Variants in RHOF observed in about 807,000 individuals in gnomAD.
RHOF encodes rho-related GTP-binding protein RhoF.
In RHOF, 21 loss-of-function variants were observed where a neutral mutation model predicts 22.2. The observed-to-expected ratio is 0.95, with a 90% CI of 0.67 to 1.36. The LOEUF is 1.36. RHOF is among the 40% of genes most tolerant of loss of function. RHOF has a pLI of 0.00. For missense variants in RHOF, 285 were observed against 293.7 expected (o/e 0.97, Z 0.22); for synonymous variants, 135 against 131.2 (o/e 1.03, Z -0.20).
At chr12:121,790,021 C>T (rs959546800) in intron 2 of RHOF, among the ~76,000 whole-genome samples, 2 of 152,254 alleles carry the variant, frequency 1.3e-5, no homozygotes, top group Admixed American at 6.5e-5. Flanking sequence ...GATGTCAGGG[C>T]CCCGGTGAGG....
intron 2 of RHOF, among the ~76,000 whole-genome samples, chr12:121,792,804 G>A (rs1192008497): frequency 6.6e-6 from 1 of 152,262 alleles, no homozygotes; most frequent in Non-Finnish European, 1.5e-5. Context: ...AGCTCACAGA[G>A]TCTGCAGAGA....
intron 4 of RHOF, chr12:121,780,334 A>C (rs1317961935): frequency 6.2e-6 from 1 of 161,296 alleles, no homozygotes; most frequent in Admixed American, 6.1e-5. Context: ...CTGGGATTAC[A>C]GGCGTGAGCC....
At chr12:121,785,720 C>T (rs1874591281) in intron 2 of RHOF, among the ~76,000 whole-genome samples, 1 of 151,620 alleles carries the variant, frequency 6.6e-6, no homozygotes, top group Non-Finnish European at 1.5e-5. Context: ...AAGCGATTCT[C>T]CTGCCTCAGC....
intron 2 of RHOF, 139 bp downstream of exon 2, chr12:121,793,013 T>C: frequency 1.4e-6 from 1 of 711,284 alleles, no homozygotes. Flanking sequence ...CCAGCGCCCC[T>C]GAGCGGCCTC....
intron 2 of RHOF, 144 bp from the exon 3 acceptor site, chr12:121,781,336 T>C (rs1220578598): frequency 4.3e-6 from 3 of 690,138 alleles, no homozygotes; most frequent in Non-Finnish European, 4.9e-6. Context: ...CCAGGAGTGC[T>C]GGCACAGGCC....
At chr12:121,789,511 G>A (rs1006957755) in intron 2 of RHOF, among the ~76,000 whole-genome samples, 1 of 152,202 alleles carries the variant, frequency 6.6e-6, no homozygotes, top group Admixed American at 6.5e-5. Flanking sequence ...TCTGCAGGAG[G>A]ACACACAGGG....
intron 2 of RHOF, among the ~76,000 whole-genome samples, chr12:121,784,318 A>C (rs537555248): frequency 6.6e-6 from 1 of 151,884 alleles, no homozygotes; most frequent in East Asian, 1.9e-4. Context: ...AGGCCGAGGC[A>C]GGGGGATCAC....
intron 2 of RHOF, among the ~76,000 whole-genome samples, chr12:121,789,233 C>A (rs1874697172): frequency 9.6e-6 from 1 of 104,154 alleles, no homozygotes; most frequent in African/African-American, 3.0e-5. Flanking sequence ...CTGTCTCTAA[C>A]CATTCCCCAC....
chr12:121,781,961 G>T (rs1266226264), intron 2 of RHOF: 1 of 152,146 alleles, frequency 6.6e-6, no homozygotes, highest in African/African-American at 2.4e-5. Flanking sequence ...ATCTAGGCTT[G>T]AGCTTGGTTG....
chr12:121,785,425 T>G (rs111558982), intron 2 of RHOF, among the ~76,000 whole-genome samples: 5 of 137,534 alleles, frequency 3.6e-5, no homozygotes, highest in African/African-American at 1.3e-4. Context: ...TTCTTTACTT[T>G]TTTTTTTTTT....
intron 2 of RHOF, among the ~76,000 whole-genome samples, chr12:121,788,538 G>A (rs1430543293): frequency 6.6e-6 from 1 of 152,156 alleles, no homozygotes; most frequent in Non-Finnish European, 1.5e-5. Context: ...GCCCACTTGG[G>A]GATGGGGGAG....
At position 121,779,274 on chromosome 12, in the gene RHOF, C is replaced by A; in HGVS notation, c.*224G>T. The A allele has an allele frequency of 1.7e-6, 1 of 583,420 alleles. No individual in the cohort carries two copies. The highest frequency in any genetic ancestry group is 3.0e-6 in the Non-Finnish European group (1 of 328,424). 36.1% of individuals were successfully genotyped at this position (583,420 alleles called of 1,614,324 possible). ...TGCGAGTCCCGACAACAGACACTGG[C>A]TCCTGCACCCACATCACCACCATGT... On this transcript the variant is annotated 3_prime_UTR_variant, in exon 5 of 5. Transcript: ENST00000267205.
rs1036588367 is a variant in RHOF, at chr12:121,779,251, C to T, written c.*247G>A. ...GGGGTGGCTGTGATGAGGGCACTTG[C>T]GAGTCCCGACAACAGACACTGGCTC... On this transcript the variant is annotated 3_prime_UTR_variant, in exon 5 of 5. Coordinates refer to ENST00000267205, the MANE Select transcript of RHOF (RefSeq NM_019034.3). The T allele has an allele frequency of 3.7e-6, 2 of 546,530 alleles. No individual in the cohort carries two copies. Among genetic ancestry groups the T allele is most frequent in the South Asian group, 2.2e-5 (1 of 44,790 alleles). 33.9% of individuals were successfully genotyped at this position (546,530 alleles called of 1,614,324 possible). A position where few individuals can be genotyped will look rare whatever the true frequency, so the allele number is the denominator to read the frequency against.
In RHOF at chr12:121,786,457, G is replaced by A. The variant is rs563894274; in HGVS notation, c.227-5265C>T. Among the ~76,000 whole-genome samples the A allele has an allele frequency of 2.3e-3, 357 of 152,326 alleles. 3 individuals are homozygous for A. Among genetic ancestry groups the A allele is most frequent in the Non-Finnish European group, 7.9e-4 (54 of 68,032 alleles). ...CAGTGACATCAGGACAGGAGGTGGCGGGGCAGGCATCAGGCTGCAGTGGGT... is the reference window on the plus strand; with the variant it reads ...CAGTGACATCAGGACAGGAGGTGGCAGGGCAGGCATCAGGCTGCAGTGGGT... On this transcript the variant is annotated intron_variant, in intron 2 of 4. Transcript: ENST00000267205.
intron 2 of RHOF, chr12:121,781,818 G>A (rs1358618809): frequency 6.5e-6 from 1 of 153,170 alleles, no homozygotes; most frequent in East Asian, 1.9e-4. Context: ...TAGGAGGAGG[G>A]TGGTGGGTTG....
chr12:121,787,894 A>G (rs1200671200), intron 2 of RHOF, among the ~76,000 whole-genome samples: 5 of 57,330 alleles, frequency 8.7e-5, no homozygotes, highest in Non-Finnish European at 2.0e-4. Flanking sequence ...CTGCCTCAAA[A>G]AAAAAAAAAA....
Position 121,779,633 on chromosome 12 carries a change from A to G in RHOF, c.501T>C (p.Ala167=). 6.2e-7 allele frequency: 1 copy of G among 1,614,126 alleles called. No individual in the cohort carries two copies. Among genetic ancestry groups the G allele is most frequent in the South Asian group, 1.1e-5 (1 of 91,090 alleles). ...QGLSACEQIR[A]ALYLECSAKF... ...TGGCGGAACATTCCAGGTAGAGAGC[A>G]GCTCGGATCTGTTCGCAGGCGCTCA... Residue 167 remains alanine, a synonymous_variant, in exon 5 of 5, where the codon GCT becomes GCC. Coordinates refer to ENST00000267205, the MANE Select transcript of RHOF (RefSeq NM_019034.3).
chr12:121,779,616 C>T lies in RHOF; in HGVS notation c.518G>A (p.Cys173Tyr). The T allele has an allele frequency of 6.2e-7, 1 of 1,614,234 alleles. No homozygotes were observed. The highest frequency in any genetic ancestry group is 1.1e-5 in the South Asian group (1 of 91,090). ...EQIRAALYLECSAKFRENVED... is the reference protein window; with the variant it reads ...EQIRAALYLEYSAKFRENVED... ...CACATTCTCCCGAAACTTGGCGGAA[C>T]ATTCCAGGTAGAGAGCAGCTCGGAT... Residue 173 changes from cysteine to tyrosine, a missense_variant, in exon 5 of 5, where the codon TGT (cysteine) becomes TAT (tyrosine). By Grantham distance (194) the Cys-to-Tyr change is radical. Coordinates refer to ENST00000267205, the MANE Select transcript of RHOF (RefSeq NM_019034.3).
intron 2 of RHOF, among the ~76,000 whole-genome samples, chr12:121,792,647 A>G (rs1874793221): frequency 6.6e-6 from 1 of 152,224 alleles, no homozygotes; most frequent in African/African-American, 2.4e-5. Flanking sequence ...CAGAACTCGC[A>G]TCCACAGGAC....
Sources: allele counts gnomAD v4.1 joint callset (sites outside exome capture counted in the v4.1 genomes callset), GRCh38; gene constraint gnomAD v4.1.1; transcripts MANE v1.5; gene names NCBI Gene and HGNC (gene_info 2026-07-23, HGNC 2026-07-21).